PHTF2: variants seen among roughly 807,000 people sequenced by gnomAD.
PHTF2 encodes protein PHTF2.
PHTF2 carries 60 observed loss-of-function variants against 101.2 expected under a neutral mutation model. The observed-to-expected ratio is 0.59, with a 90% confidence interval of 0.48 to 0.73. The LOEUF (loss-of-function observed/expected upper bound fraction) is 0.73. PHTF2 is among the 30% of genes least tolerant of loss of function. The pLI, the probability that PHTF2 is intolerant of heterozygous loss-of-function variation, is 0.00. For missense variants in PHTF2, 747 were observed against 908.7 expected (o/e 0.82, Z 2.29); for synonymous variants, 311 against 307.3 (o/e 1.01, Z -0.13).
intron 2 of PHTF2, among the ~76,000 whole-genome samples, chr7:77,850,794 C>T (rs902267922): frequency 4.6e-5 from 7 of 152,132 alleles, no homozygotes; most frequent in African/African-American, 1.7e-4. Context: ...ACCAGCAATG[C>T]ATCCATCATA....
At chr7:77,837,169 C>T (rs1179760617) in intron 1 of PHTF2, among the ~76,000 whole-genome samples, 3 of 151,904 alleles carry the variant, frequency 2.0e-5, no homozygotes, top group Non-Finnish European at 4.4e-5. Flanking sequence ...ATCAGTTGAT[C>T]AAAAAAGATT....
intron 3 of PHTF2, among the ~76,000 whole-genome samples, chr7:77,857,201 T>A (rs528508619): frequency 6.6e-6 from 1 of 152,306 alleles, no homozygotes; most frequent in Non-Finnish European, 1.5e-5. Context: ...GACTCTTGCT[T>A]CTTTCATGGG....
intron 11 of PHTF2, among the ~76,000 whole-genome samples, chr7:77,926,500 C>G (rs1804013782): frequency 2.0e-5 from 3 of 152,084 alleles, no homozygotes; most frequent in Admixed American, 2.0e-4. Context: ...TTCACAGTCC[C>G]CATTCTAATA....
chr7:77,841,956 A>C (rs967395257), intron 2 of PHTF2, among the ~76,000 whole-genome samples: 1 of 152,176 alleles, frequency 6.6e-6, no homozygotes, highest in Non-Finnish European at 1.5e-5. Context: ...TAAACACTTT[A>C]GACTTTACTG....
intron 3 of PHTF2, among the ~76,000 whole-genome samples, chr7:77,858,544 G>A (rs909019728): frequency 4.6e-5 from 7 of 152,066 alleles, no homozygotes; most frequent in Admixed American, 2.6e-4. Flanking sequence ...GAAACAGACC[G>A]AAGAGACTTT....
At chr7:77,836,783 A>G (rs1463576313) in intron 1 of PHTF2, among the ~76,000 whole-genome samples, 1 of 151,790 alleles carries the variant, frequency 6.6e-6, no homozygotes, top group African/African-American at 2.4e-5. Context: ...ACACATGGAG[A>G]CAGGGAGGGA....
chr7:77,811,027 C>G (rs945697474), intron 1 of PHTF2, among the ~76,000 whole-genome samples: 3 of 152,148 alleles, frequency 2.0e-5, no homozygotes, highest in African/African-American at 7.2e-5. Context: ...CCTCAGCCTC[C>G]CAAGTAGCTG....
In PHTF2 at chr7:77,955,051, T is replaced by TA. The variant is rs2151006316; in HGVS notation, c.*174dup. ...TTTATTTTACTGGTTCACTTTTTTT[T>TA]ACATTTATTTTAGTCTTTATATTTT... On this transcript the variant is annotated 3_prime_UTR_variant, in exon 20 of 20. Transcript: ENST00000416283. 3 of 368,328 alleles carry TA rather than the reference T, an allele frequency of 8.1e-6. No homozygotes were observed. In the South Asian group the frequency reaches 3.8e-4, roughly 46 times the overall value. The allele number at this position is 368,328 out of a possible 1,614,324, so 22.8% of individuals were successfully genotyped here.
chr7:77,819,977 C>T (rs1182799405), intron 1 of PHTF2, among the ~76,000 whole-genome samples: 2 of 152,074 alleles, frequency 1.3e-5, no homozygotes, highest in African/African-American at 4.8e-5. Context: ...GCAACTTCCG[C>T]CTCCCAGGTT....
At chr7:77,857,177 G>T (rs1055183809) in intron 3 of PHTF2, among the ~76,000 whole-genome samples, 2 of 152,176 alleles carry the variant, frequency 1.3e-5, no homozygotes, top group South Asian at 4.1e-4. Flanking sequence ...TCAAAAATTA[G>T]AGCTGATAGG....
chr7:77,894,525 TC>T (rs2150804570), intron 5 of PHTF2, among the ~76,000 whole-genome samples: 1 of 152,316 alleles, frequency 6.6e-6, no homozygotes, highest in South Asian at 2.1e-4. Flanking sequence ...AGAGCAAGAT[TC>T]TTTCCCATTT....
At chr7:77,813,360 T>C (rs548273846) in intron 1 of PHTF2, among the ~76,000 whole-genome samples, 2 of 152,360 alleles carry the variant, frequency 1.3e-5, no homozygotes, top group Non-Finnish European at 2.9e-5. Flanking sequence ...AGCTGTGCTT[T>C]ATACTACCCG....
chr7:77,878,174 T>C (rs1257369539), intron 3 of PHTF2, among the ~76,000 whole-genome samples: 1 of 152,148 alleles, frequency 6.6e-6, no homozygotes, highest in Non-Finnish European at 1.5e-5. Context: ...TTATTCAAAT[T>C]GGTCTATGAA....
At chr7:77,903,791 T>A (rs918658318) in intron 7 of PHTF2, among the ~76,000 whole-genome samples, 1 of 152,226 alleles carries the variant, frequency 6.6e-6, no homozygotes, top group Non-Finnish European at 1.5e-5. Context: ...AACCACTGTA[T>A]GTCTGTCTCC....
At chr7:77,878,130 C>A (rs1466549679) in intron 3 of PHTF2, among the ~76,000 whole-genome samples, 1 of 152,124 alleles carries the variant, frequency 6.6e-6, no homozygotes, top group Non-Finnish European at 1.5e-5. Context: ...TGAAAAATCG[C>A]AGGGCCAGGC....
chr7:77,807,862 A>C (rs927978277), intron 1 of PHTF2, among the ~76,000 whole-genome samples: 1 of 151,916 alleles, frequency 6.6e-6, no homozygotes, highest in Admixed American at 6.6e-5. Context: ...ATCCATTTTG[A>C]GTTAAGTTTT....
intron 17 of PHTF2, 58 bp from the exon 17 acceptor site, chr7:77,951,559 G>A (rs750043337): frequency 5.4e-6 from 4 of 737,068 alleles, no homozygotes; most frequent in African/African-American, 1.8e-5. Flanking sequence ...TATCTTTCAA[G>A]TCCTTTAAAA....
rs543769037 is a variant in PHTF2, at chr7:77,845,272, A to G, written c.45+4972A>G. Among the ~76,000 whole-genome samples the G allele has an allele frequency of 9.9e-5, 15 of 152,198 alleles. No homozygotes were observed. The South Asian group carries it at 1.7e-3, about 17-fold the overall frequency. On this transcript the variant is annotated intron_variant, in intron 2 of 19. Transcript: ENST00000416283. The stretch of plus-strand genomic sequence containing the variant: ...TAAAATTATGAGAGAATGAGGTTCT[A>G]TTTTCACTAGGTAAATATATAAGAG...
intron 12 of PHTF2, among the ~76,000 whole-genome samples, chr7:77,932,606 G>A (rs372988845): frequency 7.4e-6 from 1 of 134,946 alleles, no homozygotes; most frequent in African/African-American, 3.2e-5. Flanking sequence ...GAGAGAAAGA[G>A]AGAGAGAGAG....
Sources: gnomAD v4.1 joint callset for allele counts (sites outside exome capture counted in the v4.1 genomes callset) on GRCh38, gnomAD v4.1.1 for gene constraint, MANE v1.5 for transcripts, NCBI Gene and HGNC (gene_info 2026-07-23, HGNC 2026-07-21) for gene names.